Variants in ARHGAP29 observed in about 807,000 individuals in gnomAD.
ARHGAP29 encodes the protein rho GTPase-activating protein 29.
ARHGAP29 carries 43 observed loss-of-function variants against 122.6 expected under a neutral mutation model. The ratio of observed to expected loss-of-function variants is 0.35; its 90% CI spans 0.27 to 0.45. The LOEUF is 0.45. Ranked by LOEUF, ARHGAP29 falls within the 20% of genes least tolerant of loss-of-function variation. The pLI is 1.00. For synonymous variants in ARHGAP29, 506 were observed against 497.1 expected, an observed-to-expected ratio of 1.02 and a Z score of -0.24; for missense variants, 1,303 against 1,477.2, an observed-to-expected ratio of 0.88 and a Z score of 1.93.
the ARHGAP29 span, among the ~76,000 whole-genome samples, chr1:94,306,136 C>G: frequency 2.0e-5 from 3 of 152,234 alleles, no homozygotes; most frequent in African/African-American, 7.2e-5. Context: ...TGCTTCCCTG[C>G]AGTAGTCGGG....
At chr1:94,308,830 G>A in the ARHGAP29 span, among the ~76,000 whole-genome samples, 316 of 152,228 alleles carry the variant, frequency 2.1e-3, 1 homozygote, top group Non-Finnish European at 3.8e-3. Flanking sequence ...GTCAGTGCTC[G>A]TGGACCACCC....
intron 12 of ARHGAP29, among the ~76,000 whole-genome samples, chr1:94,199,514 C>T (rs977147873): frequency 6.6e-6 from 1 of 152,196 alleles, no homozygotes; most frequent in African/African-American, 2.4e-5. Context: ...TAGCCAAGGG[C>T]ACAGCTAGGA....
At chr1:94,210,656 T>C (rs984122565) in intron 3 of ARHGAP29, among the ~76,000 whole-genome samples, 1 of 152,156 alleles carries the variant, frequency 6.6e-6, no homozygotes, top group Admixed American at 6.5e-5. Flanking sequence ...AATGGGCATT[T>C]AAAAAATATT....
In ARHGAP29 at chr1:94,203,001, G is replaced by A. The variant is rs1387884304; in HGVS notation, c.874-3C>T. On this transcript the variant is annotated splice_polypyrimidine_tract_variant and splice_region_variant and intron_variant, in intron 9 of 22. Transcript: ENST00000260526. The stretch of plus-strand genomic sequence containing the variant: ...TCATTTTTCCTTCCAAGTAGAGGCT[G>A]TGAAAGGTATTTAAAATGGAAAAAG... 2 of 1,604,936 alleles carry A rather than the reference G, an allele frequency of 1.2e-6. No homozygotes were observed. The highest frequency in any genetic ancestry group is 1.1e-5 in the South Asian group (1 of 88,366).
At chr1:94,311,292 G>T in the ARHGAP29 span, among the ~76,000 whole-genome samples, 1 of 152,058 alleles carries the variant, frequency 6.6e-6, no homozygotes, top group African/African-American at 2.4e-5. Context: ...TGCTGCCTTC[G>T]ATGAGCATTG....
chr1:94,224,704 T>C lies in ARHGAP29; in HGVS notation c.206-4312A>G, dbSNP rs964932409. On this transcript the variant is annotated intron_variant, in intron 2 of 22. Transcript: ENST00000260526. ...TGCTATAGTTTTTCTTAAGAATCAC[T>C]ATATCCAATCTGTCCCTGGATTTCA... Among the ~76,000 whole-genome samples, 13 of 152,132 alleles carry C rather than the reference T, an allele frequency of 8.5e-5. No homozygotes were observed. In the East Asian group the frequency reaches 2.3e-3, roughly 27 times the overall value.
At chr1:94,228,323 T>A (rs1652734464) in intron 2 of ARHGAP29, among the ~76,000 whole-genome samples, 1 of 151,808 alleles carries the variant, frequency 6.6e-6, no homozygotes, top group East Asian at 1.9e-4. Context: ...TTCTTAGGAA[T>A]AAACTGCCAA....
chr1:94,287,650 C>T, the ARHGAP29 span, among the ~76,000 whole-genome samples: 1 of 152,038 alleles, frequency 6.6e-6, no homozygotes, highest in Non-Finnish European at 1.5e-5. Flanking sequence ...CTATCCCCCC[C>T]AGCTCCCCAC....
At chr1:94,225,902 C>G (rs963016895) in intron 2 of ARHGAP29, among the ~76,000 whole-genome samples, 1 of 151,874 alleles carries the variant, frequency 6.6e-6, no homozygotes, top group Non-Finnish European at 1.5e-5. Context: ...ATACAGTAAT[C>G]TGAATTTTAA....
intron 19 of ARHGAP29, 61 bp from the exon 20 acceptor site, chr1:94,180,018 T>C (rs764300392): frequency 1.5e-4 from 168 of 1,098,148 alleles, no homozygotes; most frequent in Non-Finnish European, 2.1e-4. Flanking sequence ...TAATCAACTA[T>C]TACTAACAGT....
chr1:94,278,345 T>C (rs1408016124), upstream of ARHGAP29, among the ~76,000 whole-genome samples: 1 of 152,134 alleles, frequency 6.6e-6, no homozygotes, highest in Non-Finnish European at 1.5e-5. Context: ...TTATTAAATT[T>C]TAATTTTAAC....
intron 13 of ARHGAP29, 45 bp from the exon 14 acceptor site, chr1:94,189,397 G>T (rs920028946): frequency 3.2e-6 from 5 of 1,541,276 alleles, no homozygotes; most frequent in Non-Finnish European, 3.5e-6. Context: ...ACACTCCAAA[G>T]AATAATAATC....
chr1:94,261,950 A>C (rs1344339683), intron 1 of ARHGAP29, among the ~76,000 whole-genome samples: 5 of 152,252 alleles, frequency 3.3e-5, no homozygotes, highest in Admixed American at 6.5e-5. Flanking sequence ...AAGCAAGGCA[A>C]TCCTAAGCAA....
At chr1:94,220,418 A>G (rs745534932) in intron 2 of ARHGAP29, 26 bp from the exon 3 acceptor site, 382 of 1,541,696 alleles carry the variant, frequency 2.5e-4, no homozygotes, top group Non-Finnish European at 3.3e-4. Context: ...AAAATAATTT[A>G]TTTCCAGAGC....
chr1:94,291,250 CTTGTTTGTTTGTTTGG>C, the ARHGAP29 span, among the ~76,000 whole-genome samples: 1 of 151,394 alleles, frequency 6.6e-6, no homozygotes, highest in South Asian at 2.1e-4. Context: ...CCCCTGCTTT[CTTGTTTGTTTGTTTGG>C]TTGTTTGTTT....
At chr1:94,197,597 G>A (rs893618276) in intron 12 of ARHGAP29, among the ~76,000 whole-genome samples, 9 of 151,666 alleles carry the variant, frequency 5.9e-5, no homozygotes, top group Non-Finnish European at 1.3e-4. Flanking sequence ...GAGAGAAAAA[G>A]AAAAAATACT....
Position 94,202,738 on chromosome 1 carries a change from C to T in ARHGAP29, c.955-6G>A. ...AGAGCATTCTCTGCTTCAAGCTACA[C>T]CGAAAAGAGTATTAAACACAGAATA... On this transcript the variant is annotated splice_polypyrimidine_tract_variant and splice_region_variant and intron_variant, in intron 10 of 22. Coordinates refer to ENST00000260526, the MANE Select transcript of ARHGAP29 (RefSeq NM_004815.4). The T allele has an allele frequency of 6.2e-7, 1 of 1,611,344 alleles. No homozygotes were observed. The highest frequency in any genetic ancestry group is 8.5e-7 in the Non-Finnish European group (1 of 1,179,342).
chr1:94,229,506 C>A (rs966109937), intron 2 of ARHGAP29, among the ~76,000 whole-genome samples: 40 of 151,608 alleles, frequency 2.6e-4, no homozygotes, highest in African/African-American at 9.7e-4. Flanking sequence ...AACGATATTT[C>A]AAAGACAAAA....
In ARHGAP29 at chr1:94,209,313, G is replaced by A. The variant is rs776420963; in HGVS notation, c.378C>T (p.Asn126=). The A allele has an allele frequency of 1.6e-5, 26 of 1,608,872 alleles. No individual in the cohort carries two copies. Among genetic ancestry groups the A allele is most frequent in the Admixed American group, 8.5e-5 (5 of 58,912 alleles). ...NFTEVNEENK[N]DLFQEVFSSI... is the part of the protein sequence containing the mutation. ...AAGAAAACACTTCCTGGAAGAGATC[G>A]TTTTTGTTTTCTTCATTAACTTCTG... Residue 126 remains asparagine (N), a synonymous_variant, in exon 4 of 23, where the codon AAC becomes AAT. Transcript: ENST00000260526.
Sources: gnomAD v4.1 joint callset for allele counts (sites outside exome capture counted in the v4.1 genomes callset) on GRCh38, gnomAD v4.1.1 for gene constraint, MANE v1.5 for transcripts, NCBI Gene and HGNC (gene_info 2026-07-23, HGNC 2026-07-21) for gene names.